Variants in PSD2 observed in about 807,000 individuals in gnomAD.
The protein encoded by PSD2 is PH and SEC7 domain-containing protein 2.
In PSD2, 38 loss-of-function variants were observed where a neutral mutation model predicts 69.8. The observed-to-expected ratio is 0.54, with a 90% confidence interval of 0.42 to 0.71. PSD2 has a LOEUF of 0.71. Among genes scored for constraint, PSD2 ranks in the 30% least tolerant of loss-of-function variants. The pLI, the probability that PSD2 is intolerant of heterozygous loss-of-function variation, is 0.00. For missense variants in PSD2, 943 were observed against 1,014.5 expected, an observed-to-expected ratio of 0.93 and a Z score of 0.96; for synonymous variants, 412 against 423.0, an observed-to-expected ratio of 0.97 and a Z score of 0.32.
At chr5:139,841,985 G>C (rs1385503914) in intron 14 of PSD2, among the ~76,000 whole-genome samples, 2 of 152,172 alleles carry the variant, frequency 1.3e-5, no homozygotes, top group African/African-American at 2.4e-5. Flanking sequence ...GTGATGTACA[G>C]AAGTTTTCAA....
chr5:139,827,793 A>C (rs1760465089), intron 7 of PSD2, among the ~76,000 whole-genome samples: 1 of 152,122 alleles, frequency 6.6e-6, no homozygotes, highest in Non-Finnish European at 1.5e-5. Flanking sequence ...TCTGCTGAGA[A>C]CTCATTCACT....
chr5:139,766,351 C>CTCTGTT, the PSD2 span, among the ~76,000 whole-genome samples: 20 of 152,326 alleles, frequency 1.3e-4, no homozygotes, highest in Admixed American at 3.3e-4. Flanking sequence ...CCTTCGATGA[C>CTCTGTT]TCTGTTTCTG....
chr5:139,785,848 G>T, the PSD2 span, among the ~76,000 whole-genome samples: 3 of 152,232 alleles, frequency 2.0e-5, no homozygotes, highest in African/African-American at 4.8e-5. Flanking sequence ...CAGCACTCTG[G>T]AAGGCTGAGG....
In PSD2 at chr5:139,836,918, A is replaced by C; in HGVS notation, c.1511A>C (p.Asp504Ala). ...CTGGATGGTGGCAACCCCTTCCTGG[A>C]TGTCCCACAGGCGCTCAGTGCCACC... ...RILDGGNPFLDVPQALSATTY... is the reference protein window; with the variant it reads ...RILDGGNPFLAVPQALSATTY... Residue 504 changes from aspartate (D) to alanine (A), a missense_variant, in exon 10 of 15, where the codon GAT (aspartate) becomes GCT (alanine). Physicochemically the swap from Asp to Ala is moderately radical, Grantham distance 126. Around this residue, in one of 3 missense-constraint regions of PSD2, gnomAD observed 312 missense variants for 400.7 expected, o/e 0.78. Coordinates refer to ENST00000274710, the MANE Select transcript of PSD2 (RefSeq NM_032289.4). 1 of 1,614,168 alleles carries C rather than the reference A, an allele frequency of 6.2e-7. No homozygotes were observed. Among genetic ancestry groups the C allele is most frequent in the Non-Finnish European group, 8.5e-7 (1 of 1,180,028 alleles).
chr5:139,811,142 T>G (rs1015492065), intron 2 of PSD2, among the ~76,000 whole-genome samples: 2 of 152,122 alleles, frequency 1.3e-5, no homozygotes, highest in Admixed American at 6.5e-5. Context: ...CTCCTTTCCT[T>G]CCAGAGGTCA....
Position 139,837,593 on chromosome 5 carries a change from T to G in PSD2, c.1666-32T>G, listed in dbSNP as rs755879894. 6.4e-7 allele frequency: 1 copy of G among 1,570,520 alleles called. No individual in the cohort carries two copies. The highest frequency in any genetic ancestry group is 8.7e-7 in the Non-Finnish European group (1 of 1,151,546). Reference sequence around the variant, plus strand: ...GGGGAGAGTGGAAGGTGTGGGTCAGTGACCCTAGCTCGCCCATCCTGCCCC... The same window carrying G: ...GGGGAGAGTGGAAGGTGTGGGTCAGGGACCCTAGCTCGCCCATCCTGCCCC... On this transcript the variant is annotated intron_variant, in intron 11 of 14. Coordinates refer to ENST00000274710, the MANE Select transcript of PSD2 (RefSeq NM_032289.4). The surrounding 1 kb of genome is among the most constrained non-coding windows in gnomAD (Gnocchi z 5.0).
intron 14 of PSD2, 86 bp downstream of exon 14, chr5:139,840,256 A>C: frequency 6.8e-7 from 1 of 1,468,892 alleles, no homozygotes. Flanking sequence ...GGGGAGGTGA[A>C]GCCTAGTGAT....
At chr5:139,771,299 G>T in the PSD2 span, among the ~76,000 whole-genome samples, 1 of 152,374 alleles carries the variant, frequency 6.6e-6, no homozygotes, top group East Asian at 1.9e-4. Flanking sequence ...TCCCTCTGTG[G>T]TGGAGCCGCC....
the PSD2 span, among the ~76,000 whole-genome samples, chr5:139,788,220 C>G: frequency 2.0e-5 from 3 of 151,652 alleles, no homozygotes; most frequent in Non-Finnish European, 4.4e-5. Context: ...CCGGCTCCCC[C>G]AGCCCGAGCT....
intron 4 of PSD2, among the ~76,000 whole-genome samples, chr5:139,816,674 C>T (rs1372146928): frequency 1.3e-5 from 2 of 152,224 alleles, no homozygotes; most frequent in Non-Finnish European, 2.9e-5. Flanking sequence ...ATACAGTCTT[C>T]GTTGGCCTGC....
chr5:139,834,436 C>T (rs1240973917), intron 8 of PSD2, among the ~76,000 whole-genome samples: 1 of 151,904 alleles, frequency 6.6e-6, no homozygotes, highest in Non-Finnish European at 1.5e-5. Flanking sequence ...TAGGTGCATG[C>T]CACTGTGCCT....
chr5:139,771,764 G>A, the PSD2 span, among the ~76,000 whole-genome samples: 2 of 152,182 alleles, frequency 1.3e-5, no homozygotes, highest in Admixed American at 1.3e-4. Flanking sequence ...GTGTGCCACA[G>A]GCTATTTAGG....
At chr5:139,803,089 C>A (rs949011740) in intron 1 of PSD2, among the ~76,000 whole-genome samples, 5 of 152,248 alleles carry the variant, frequency 3.3e-5, no homozygotes, top group African/African-American at 1.2e-4. Flanking sequence ...GTTCTTGGCC[C>A]TTGCCCTACA....
At chr5:139,791,570 A>T (rs1759416527), upstream of PSD2, among the ~76,000 whole-genome samples, 1 of 152,226 alleles carries the variant, frequency 6.6e-6, no homozygotes, top group African/African-American at 2.4e-5. Flanking sequence ...GCAGCGAGCC[A>T]TGATTGTGCC....
At chr5:139,766,935 T>TTCTTTCTTTCTTTC in the PSD2 span, among the ~76,000 whole-genome samples, 3 of 71,160 alleles carry the variant, frequency 4.2e-5, no homozygotes, top group African/African-American at 2.0e-4. Flanking sequence ...CTTCCCTTCT[T>TTCTTTCTTTCTTTC]TCTTTCTTTC....
chr5:139,808,898 TC>T (rs975589887), intron 1 of PSD2, among the ~76,000 whole-genome samples: 3 of 152,198 alleles, frequency 2.0e-5, no homozygotes, highest in Non-Finnish European at 4.4e-5. Flanking sequence ...GAAGATAGCC[TC>T]CCAGCCTAGT....
chr5:139,773,856 T>G, the PSD2 span, among the ~76,000 whole-genome samples: 1 of 152,192 alleles, frequency 6.6e-6, no homozygotes, highest in Non-Finnish European at 1.5e-5. Context: ...TGGTGGATCA[T>G]ATAATTTTAT....
At position 139,823,544 on chromosome 5, in the gene PSD2, C is replaced by T. The variant is rs1338538339; in HGVS notation, c.1269+760C>T. ...GGGCATATGGGGGTGAAAGAAAGAG[C>T]TGGGATAGACCAAACTTCAGATTCT... On this transcript the variant is annotated intron_variant, in intron 7 of 14. Coordinates refer to ENST00000274710, the MANE Select transcript of PSD2 (RefSeq NM_032289.4). Among the ~76,000 whole-genome samples, 3 of 152,170 alleles carry T rather than the reference C, an allele frequency of 2.0e-5. No homozygotes were observed. In the East Asian group the frequency reaches 5.8e-4, roughly 29 times the overall value.
chr5:139,812,638 C>T (rs1220049677), intron 2 of PSD2, among the ~76,000 whole-genome samples: 1 of 152,146 alleles, frequency 6.6e-6, no homozygotes, highest in African/African-American at 2.4e-5. Context: ...GAGCAGGAGG[C>T]CAGTGTGCTG....
Sources: allele counts gnomAD v4.1 joint callset (sites outside exome capture counted in the v4.1 genomes callset), GRCh38; gene constraint gnomAD v4.1.1; regional missense constraint gnomAD v4.1.1; non-coding constraint Gnocchi (gnomAD v3.1); transcripts MANE v1.5; gene names NCBI Gene and HGNC (gene_info 2026-07-23, HGNC 2026-07-21).